Variants in ABTB3 observed in about 807,000 individuals in gnomAD.
ABTB3 encodes the protein ankyrin repeat- and BTB/POZ domain-containing protein 3.
the ABTB3 span, among the ~76,000 whole-genome samples, chr12:107,609,462 T>C: frequency 1.3e-5 from 2 of 152,216 alleles, no homozygotes; most frequent in East Asian, 3.8e-4. Flanking sequence ...CAAATTCCCA[T>C]GCACCTTGCC....
At chr12:107,614,153 T>C in the ABTB3 span, among the ~76,000 whole-genome samples, 11 of 152,130 alleles carry the variant, frequency 7.2e-5, no homozygotes, top group African/African-American at 2.7e-4. Context: ...TGAGGTTACA[T>C]GACCCCAGGA....
the ABTB3 span, among the ~76,000 whole-genome samples, chr12:107,452,037 T>C: frequency 1.3e-5 from 2 of 152,258 alleles, no homozygotes; most frequent in East Asian, 1.9e-4. Flanking sequence ...ACCATGATTG[T>C]TGATTTACTT....
At chr12:107,469,990 T>TCTC in the ABTB3 span, among the ~76,000 whole-genome samples, 1 of 64,988 alleles carries the variant, frequency 1.5e-5, no homozygotes, top group African/African-American at 1.1e-4. Context: ...CTTTCTTTCT[T>TCTC]TCTTTCTTTC....
the ABTB3 span, among the ~76,000 whole-genome samples, chr12:107,421,887 A>C: frequency 6.6e-6 from 1 of 152,176 alleles, no homozygotes; most frequent in African/African-American, 2.4e-5. Context: ...CTCTCGACAA[A>C]TACTTACTGA....
the ABTB3 span, among the ~76,000 whole-genome samples, chr12:107,538,255 G>A: frequency 6.6e-6 from 1 of 152,212 alleles, no homozygotes; most frequent in Non-Finnish European, 1.5e-5. Context: ...CAGCTTCCAG[G>A]CCAGTTATTG....
the ABTB3 span, among the ~76,000 whole-genome samples, chr12:107,625,601 G>A: frequency 5.9e-5 from 9 of 152,122 alleles, no homozygotes; most frequent in South Asian, 2.1e-4. Flanking sequence ...TGGCTCCCAC[G>A]TAGTCTTCTC....
the ABTB3 span, among the ~76,000 whole-genome samples, chr12:107,410,244 AAGTC>A: frequency 1.3e-5 from 2 of 151,810 alleles, no homozygotes; most frequent in East Asian, 3.9e-4. Flanking sequence ...AAAAAAAAAA[AAGTC>A]AGCTACGCTA....
chr12:107,462,882 A>G, the ABTB3 span, among the ~76,000 whole-genome samples: 2 of 151,176 alleles, frequency 1.3e-5, no homozygotes, highest in Non-Finnish European at 3.0e-5. Flanking sequence ...AGTGACAATG[A>G]TGATGATGGT....
chr12:107,626,122 C>A, the ABTB3 span, among the ~76,000 whole-genome samples: 1 of 152,060 alleles, frequency 6.6e-6, no homozygotes, highest in Non-Finnish European at 1.5e-5. Flanking sequence ...TCCAGTGAAC[C>A]CACAACTGTG....
the ABTB3 span, among the ~76,000 whole-genome samples, chr12:107,377,475 A>G: frequency 1.3e-5 from 2 of 150,796 alleles, no homozygotes; most frequent in Middle Eastern, 3.2e-3. Context: ...GTTTATGCTC[A>G]TCTCCATCTC....
chr12:107,426,032 C>G, the ABTB3 span, among the ~76,000 whole-genome samples: 3 of 152,210 alleles, frequency 2.0e-5, no homozygotes, highest in Non-Finnish European at 2.9e-5. Flanking sequence ...CCTGGCCTCC[C>G]TCCCTCCCAC....
At chr12:107,369,522 T>G in the ABTB3 span, among the ~76,000 whole-genome samples, 1 of 151,068 alleles carries the variant, frequency 6.6e-6, no homozygotes, top group Non-Finnish European at 1.5e-5. Context: ...CCCAGCCTCC[T>G]GGGTAGCTGG....
the ABTB3 span, among the ~76,000 whole-genome samples, chr12:107,590,440 G>T: frequency 6.6e-6 from 1 of 152,180 alleles, no homozygotes; most frequent in Admixed American, 6.5e-5. Context: ...AGTCATAGAA[G>T]AGCCCAGAGA....
chr12:107,436,542 G>T, the ABTB3 span, among the ~76,000 whole-genome samples: 12 of 152,212 alleles, frequency 7.9e-5, no homozygotes, highest in Non-Finnish European at 1.5e-4. Flanking sequence ...ATGTTCTAAG[G>T]ATGTGAGGAT....
the ABTB3 span, among the ~76,000 whole-genome samples, chr12:107,632,992 T>G: frequency 6.6e-6 from 1 of 152,206 alleles, no homozygotes; most frequent in African/African-American, 2.4e-5. Context: ...CCCCCTCCCG[T>G]CTGAAGTCCT....
At chr12:107,635,196 A>G in the ABTB3 span, 9 of 1,159,196 alleles carry the variant, frequency 7.8e-6, no homozygotes, top group South Asian at 8.5e-5. Context: ...GTGAGCTCTT[A>G]TCACCTGGAG....
chr12:107,451,405 C>A, the ABTB3 span, among the ~76,000 whole-genome samples: 134 of 152,292 alleles, frequency 8.8e-4, no homozygotes, highest in African/African-American at 3.0e-3. Context: ...CAGTACTGAG[C>A]CCTCCAGAGA....
At chr12:107,625,266 T>C in the ABTB3 span, among the ~76,000 whole-genome samples, 30 of 152,232 alleles carry the variant, frequency 2.0e-4, no homozygotes, top group Non-Finnish European at 3.7e-4. Flanking sequence ...GCAAATATTT[T>C]CTCCCACTCT....
the ABTB3 span, among the ~76,000 whole-genome samples, chr12:107,610,957 T>C: frequency 6.6e-6 from 1 of 152,112 alleles, no homozygotes; most frequent in Non-Finnish European, 1.5e-5. Context: ...AAGTCTCACA[T>C]GGAAAGTCAC....
Sources: allele counts gnomAD v4.1 joint callset (sites outside exome capture counted in the v4.1 genomes callset), GRCh38; gene constraint gnomAD v4.1.1; transcripts MANE v1.5; gene names NCBI Gene and HGNC (gene_info 2026-07-23, HGNC 2026-07-21).